SNX29: variants seen among roughly 807,000 people sequenced by gnomAD.
SNX29 encodes the protein sorting nexin 29.
A neutral mutation model predicts 102.1 loss-of-function variants in SNX29; 78 were observed. The ratio of observed to expected loss-of-function variants is 0.76; its 90% CI spans 0.64 to 0.92. The LOEUF (loss-of-function observed/expected upper bound fraction) is 0.92, where lower values mean the gene tolerates loss of function less well. Ranked by LOEUF, SNX29 falls within the 40% of genes least tolerant of loss-of-function variation. The probability of loss-of-function intolerance (pLI) is 0.00; values close to 1 mark genes in which losing one functional copy is unlikely to be tolerated. For missense variants in SNX29, 1,280 were observed against 1,061.7 expected (o/e 1.21, Z -2.86); for synonymous variants, 580 against 414.5 (o/e 1.40, Z -4.85).
intron 15 of SNX29, among the ~76,000 whole-genome samples, chr16:12,302,542 C>G (rs972580183): frequency 6.6e-6 from 1 of 152,102 alleles, no homozygotes; most frequent in Non-Finnish European, 1.5e-5. Context: ...TTGCCATGTT[C>G]TCACATCGTG....
At chr16:12,213,630 A>G (rs868340135) in intron 14 of SNX29, among the ~76,000 whole-genome samples, 1 of 152,242 alleles carries the variant, frequency 6.6e-6, no homozygotes, top group Non-Finnish European at 1.5e-5. Flanking sequence ...GTCACAGCAC[A>G]TTAGCAGACA....
intron 13 of SNX29, among the ~76,000 whole-genome samples, chr16:12,153,912 T>G (rs1298424624): frequency 6.6e-6 from 1 of 152,228 alleles, no homozygotes; most frequent in Non-Finnish European, 1.5e-5. Flanking sequence ...TTGTCTGATG[T>G]GTTCCAGTTC....
intron 20 of SNX29, among the ~76,000 whole-genome samples, chr16:12,557,128 C>T (rs1171737671): frequency 1.3e-5 from 2 of 151,734 alleles, no homozygotes; most frequent in African/African-American, 4.8e-5. Flanking sequence ...AGATTAGACA[C>T]AGGAGTCACT....
rs574437333 is a variant in SNX29, at chr16:12,172,420, G to T, written c.1596-27181G>T. Among the ~76,000 whole-genome samples, 18 of 152,292 alleles carry T rather than the reference G, an allele frequency of 1.2e-4. No individual in the cohort carries two copies. In the East Asian group the frequency reaches 3.3e-3, roughly 28 times the overall value. ...TCTCTGAGTCCCCCAGGGCCAGGAAGAGAAGAGGATGCTGGATGGAGGAAA... is the reference window on the plus strand; with the variant it reads ...TCTCTGAGTCCCCCAGGGCCAGGAATAGAAGAGGATGCTGGATGGAGGAAA... On this transcript the variant is annotated intron_variant, in intron 13 of 20. Coordinates refer to ENST00000566228, the MANE Select transcript of SNX29 (RefSeq NM_032167.5).
chr16:12,035,590 G>T (rs936027727), intron 4 of SNX29, among the ~76,000 whole-genome samples: 1 of 152,136 alleles, frequency 6.6e-6, no homozygotes, highest in East Asian at 1.9e-4. Context: ...TGACAGATTT[G>T]GGAGCACTTG....
intron 20 of SNX29, among the ~76,000 whole-genome samples, chr16:12,543,358 A>C (rs758374156): frequency 6.6e-6 from 1 of 152,126 alleles, no homozygotes; most frequent in Non-Finnish European, 1.5e-5. Flanking sequence ...TGTTCAGCCC[A>C]CCTAAGCTCA....
At chr16:12,313,649 T>C (rs1004886581) in intron 15 of SNX29, among the ~76,000 whole-genome samples, 1 of 152,210 alleles carries the variant, frequency 6.6e-6, no homozygotes, top group South Asian at 2.1e-4. Flanking sequence ...ATGTGTGTTA[T>C]AGCAGCTGAC....
At chr16:12,512,902 C>G (rs34307972) in intron 19 of SNX29, among the ~76,000 whole-genome samples, 1 of 152,272 alleles carries the variant, frequency 6.6e-6, no homozygotes, top group African/African-American at 2.4e-5. Context: ...CCCTCCTTCC[C>G]AGTCCGTCAC....
chr16:12,430,728 C>T (rs2085275357), intron 18 of SNX29, among the ~76,000 whole-genome samples: 1 of 152,112 alleles, frequency 6.6e-6, no homozygotes, highest in Non-Finnish European at 1.5e-5. Context: ...CCTCATTGTT[C>T]TTATCCATGC....
intron 14 of SNX29, among the ~76,000 whole-genome samples, chr16:12,220,593 C>T (rs1465361223): frequency 6.6e-6 from 1 of 152,174 alleles, no homozygotes; most frequent in Non-Finnish European, 1.5e-5. Flanking sequence ...ATCTCCCCTG[C>T]ATGTTGCGTT....
chr16:12,505,855 A>T (rs984543272), intron 19 of SNX29, among the ~76,000 whole-genome samples: 1 of 150,352 alleles, frequency 6.7e-6, no homozygotes, highest in Non-Finnish European at 1.5e-5. Context: ...CATCTTCATG[A>T]TATTAAGTCT....
intron 15 of SNX29, among the ~76,000 whole-genome samples, chr16:12,322,761 G>A (rs577540934): frequency 2.0e-5 from 3 of 151,116 alleles, no homozygotes; most frequent in Non-Finnish European, 4.4e-5. Context: ...GTTACTGGGG[G>A]ACCACCGTCA....
At chr16:12,442,959 C>G (rs1391412597) in intron 18 of SNX29, 2 of 454,896 alleles carry the variant, frequency 4.4e-6, no homozygotes, top group Non-Finnish European at 8.8e-6. Context: ...TTTGCCCATG[C>G]TAAAGAATAC....
intron 14 of SNX29, among the ~76,000 whole-genome samples, chr16:12,254,486 G>A (rs1385471386): frequency 6.6e-6 from 1 of 151,958 alleles, no homozygotes; most frequent in African/African-American, 2.4e-5. Context: ...CTGAAAATAC[G>A]AAAAATGAGT....
At chr16:12,531,660 A>C (rs77411296) in intron 20 of SNX29, among the ~76,000 whole-genome samples, 1 of 152,286 alleles carries the variant, frequency 6.6e-6, no homozygotes, top group East Asian at 1.9e-4. Flanking sequence ...GAAGATGCCG[A>C]GTTTTGAGGC....
At chr16:12,532,827 T>C (rs1246666385) in intron 20 of SNX29, among the ~76,000 whole-genome samples, 1 of 152,150 alleles carries the variant, frequency 6.6e-6, no homozygotes, top group African/African-American at 2.4e-5. Flanking sequence ...CTGGTCAGCC[T>C]AGCGAGGGGA....
At chr16:12,030,647 A>T (rs2057314098) in intron 4 of SNX29, among the ~76,000 whole-genome samples, 1 of 152,126 alleles carries the variant, frequency 6.6e-6, no homozygotes, top group South Asian at 2.1e-4. Flanking sequence ...TTTGCACATC[A>T]TGGAGTGGTC....
At chr16:12,391,413 C>T (rs1361866776) in intron 16 of SNX29, among the ~76,000 whole-genome samples, 3 of 152,188 alleles carry the variant, frequency 2.0e-5, no homozygotes, top group Admixed American at 1.3e-4. Context: ...AGTACTGTTA[C>T]ATCATTTTCT....
At chr16:12,124,089 G>A (rs1001452299) in intron 11 of SNX29, among the ~76,000 whole-genome samples, 4 of 152,186 alleles carry the variant, frequency 2.6e-5, no homozygotes, top group Non-Finnish European at 1.5e-5. Flanking sequence ...CGGGCGCGGG[G>A]GCTCACGCCT....
Sources: gnomAD v4.1 joint callset for allele counts (sites outside exome capture counted in the v4.1 genomes callset) on GRCh38, gnomAD v4.1.1 for gene constraint, MANE v1.5 for transcripts, NCBI Gene and HGNC (gene_info 2026-07-23, HGNC 2026-07-21) for gene names.